The following PUM1 variants were observed in gnomAD, a reference collection of about 807,000 sequenced individuals.
PUM1 encodes pumilio RNA binding family member 1.
A neutral mutation model predicts 131.8 loss-of-function variants in PUM1; 13 were observed. The observed-to-expected ratio is 0.10, with a 90% CI of 0.06 to 0.16. The LOEUF (loss-of-function observed/expected upper bound fraction) is 0.16, where lower values mean the gene tolerates loss of function less well. Ranked by LOEUF, PUM1 falls within the 10% of genes least tolerant of loss-of-function variation. PUM1 has a pLI of 1.00. For missense variants in PUM1, 961 were observed against 1,512.4 expected (o/e 0.64, Z 6.05); for synonymous variants, 509 against 556.5 (o/e 0.91, Z 1.20).
At chr1:31,021,101 C>G (rs1643004197) in intron 3 of PUM1, among the ~76,000 whole-genome samples, 3 of 152,162 alleles carry the variant, frequency 2.0e-5, no homozygotes, top group Non-Finnish European at 4.4e-5. Flanking sequence ...AACGTAACAA[C>G]TATATTAAAC....
At chr1:30,967,571 T>A (rs1640674994) in intron 11 of PUM1, among the ~76,000 whole-genome samples, 1 of 152,216 alleles carries the variant, frequency 6.6e-6, no homozygotes, top group African/African-American at 2.4e-5. Context: ...TTAAATAACA[T>A]GATCTTTCAA....
chr1:30,977,803 A>T (rs1167761743), intron 9 of PUM1, among the ~76,000 whole-genome samples: 1 of 152,194 alleles, frequency 6.6e-6, no homozygotes, highest in African/African-American at 2.4e-5. Context: ...ATTAGTAAAG[A>T]CTTCTAAAGA....
chr1:30,961,266 T>C (rs1570138212), intron 14 of PUM1, among the ~76,000 whole-genome samples: 1 of 151,364 alleles, frequency 6.6e-6, no homozygotes, highest in East Asian at 1.9e-4. Context: ...TCCTAGTGCT[T>C]TGAGAGGCCA....
chr1:31,037,242 A>C (rs1643639914), intron 2 of PUM1: 3 of 152,680 alleles, frequency 2.0e-5, no homozygotes, highest in Non-Finnish European at 1.5e-5. Context: ...AAAGATCGTA[A>C]CACTTGGACC....
At chr1:31,024,948 G>A (rs1413984430) in intron 3 of PUM1, among the ~76,000 whole-genome samples, 2 of 152,156 alleles carry the variant, frequency 1.3e-5, no homozygotes, top group Non-Finnish European at 2.9e-5. Context: ...TTAGCAGACT[G>A]ATCTCTTCAT....
At chr1:31,031,039 C>T (rs964757033) in intron 2 of PUM1, among the ~76,000 whole-genome samples, 3 of 152,094 alleles carry the variant, frequency 2.0e-5, no homozygotes, top group African/African-American at 7.2e-5. Context: ...GAGCTATGAT[C>T]ATTTTACATG....
At chr1:30,948,299 C>A (rs1296079001) in intron 17 of PUM1, among the ~76,000 whole-genome samples, 1 of 151,788 alleles carries the variant, frequency 6.6e-6, no homozygotes. Context: ...TTTTTGTGAT[C>A]CAGAAGAAAT....
chr1:30,953,007 A>AC (rs201232773), intron 15 of PUM1, among the ~76,000 whole-genome samples: 1 of 151,548 alleles, frequency 6.6e-6, no homozygotes, highest in African/African-American at 2.4e-5. Flanking sequence ...ACAAAACAAA[A>AC]AAACAAAAAC....
intron 2 of PUM1, among the ~76,000 whole-genome samples, chr1:31,038,984 A>ATATATATATATTTTTTT: frequency 5.7e-4 from 28 of 49,406 alleles, no homozygotes; most frequent in African/African-American, 1.2e-3. Flanking sequence ...ATATATATAT[A>ATATATATATATTTTTTT]TTTTTTTTTT....
intron 3 of PUM1, among the ~76,000 whole-genome samples, chr1:31,022,438 C>T (rs896940101): frequency 2.6e-5 from 4 of 152,212 alleles, no homozygotes; most frequent in Admixed American, 2.6e-4. Flanking sequence ...GACAGCTTAA[C>T]ATCTACATAC....
chr1:30,997,066 C>G (rs1021616520), intron 5 of PUM1, among the ~76,000 whole-genome samples: 2 of 152,160 alleles, frequency 1.3e-5, no homozygotes, highest in Non-Finnish European at 2.9e-5. Flanking sequence ...GAATCAGAAA[C>G]CATTAATGTC....
chr1:31,043,506 T>G (rs144556699), intron 2 of PUM1, among the ~76,000 whole-genome samples: 95 of 152,178 alleles, frequency 6.2e-4, no homozygotes, highest in African/African-American at 2.1e-3. Flanking sequence ...AGAGAACATT[T>G]CTTAATAATT....
At chr1:31,029,320 AC>A (rs1643332690) in intron 2 of PUM1, among the ~76,000 whole-genome samples, 1 of 152,168 alleles carries the variant, frequency 6.6e-6, no homozygotes, top group African/African-American at 2.4e-5. Context: ...TCTTTGGTAA[AC>A]CTCAGGAAAG....
intron 14 of PUM1, among the ~76,000 whole-genome samples, chr1:30,960,531 T>C (rs1440007535): frequency 6.6e-6 from 1 of 152,156 alleles, no homozygotes; most frequent in African/African-American, 2.4e-5. Flanking sequence ...GAACTACTAA[T>C]AAACAACTAC....
intron 9 of PUM1, among the ~76,000 whole-genome samples, chr1:30,977,723 A>C (rs959818095): frequency 5.3e-5 from 8 of 152,230 alleles, no homozygotes; most frequent in African/African-American, 1.7e-4. Flanking sequence ...GATTCTGATC[A>C]CCGAACTACC....
rs1235485218 is a variant in PUM1, at chr1:30,952,386, C to T, written c.2592-23G>A. The T allele has an allele frequency of 1.9e-6, 3 of 1,613,482 alleles. No individual in the cohort carries two copies. In the African/African-American group the frequency reaches 4.0e-5, roughly 22 times the overall value. ...AATCTGAAGTACAAAGTAAAAAGGG[C>T]AATCACAGCACTGAAGGAAGACCTG... On this transcript the variant is annotated intron_variant, in intron 15 of 21. Coordinates refer to ENST00000426105, the MANE Select transcript of PUM1 (RefSeq NM_001020658.2).
At chr1:30,983,031 A>T (rs116532639) in intron 7 of PUM1, among the ~76,000 whole-genome samples, 114 of 152,366 alleles carry the variant, frequency 7.5e-4, no homozygotes, top group African/African-American at 2.6e-3. Context: ...CTTAAAAAGA[A>T]ATAGGGGAAC....
chr1:30,961,958 AG>A (rs1374169316), intron 14 of PUM1, among the ~76,000 whole-genome samples: 5 of 152,240 alleles, frequency 3.3e-5, no homozygotes, highest in African/African-American at 1.2e-4. Flanking sequence ...GGTGTGGGCC[AG>A]AAAGAAATGT....
chr1:30,941,128 T>A, intron 20 of PUM1, 23 bp downstream of exon 20: 3 of 1,601,260 alleles, frequency 1.9e-6, no homozygotes, highest in Non-Finnish European at 1.7e-6. Context: ...TGGGAAATAG[T>A]CCTTGTAACT....
Sources: allele counts gnomAD v4.1 joint callset (sites outside exome capture counted in the v4.1 genomes callset), GRCh38; gene constraint gnomAD v4.1.1; transcripts MANE v1.5; gene names NCBI Gene and HGNC (gene_info 2026-07-23, HGNC 2026-07-21).